CSE1L: variants seen among roughly 807,000 people sequenced by gnomAD.
The protein encoded by CSE1L is exportin-2.
CSE1L carries 24 observed loss-of-function variants against 120.4 expected under a neutral mutation model. That is an observed-to-expected ratio of 0.20 (90% CI 0.14 to 0.28). The LOEUF (loss-of-function observed/expected upper bound fraction) is 0.28. Among genes scored for constraint, CSE1L ranks in the 10% least tolerant of loss-of-function variants. The pLI, the probability that CSE1L is intolerant of heterozygous loss-of-function variation, is 1.00. For missense variants in CSE1L, 830 were observed against 1,145.2 expected (o/e 0.72, Z 3.97); for synonymous variants, 402 against 398.3 (o/e 1.01, Z -0.11).
At chr20:49,071,435 T>C (rs1195280897) in intron 8 of CSE1L, among the ~76,000 whole-genome samples, 1 of 152,220 alleles carries the variant, frequency 6.6e-6, no homozygotes, top group East Asian at 1.9e-4. Flanking sequence ...TGCTACTATT[T>C]ATGCCTTAAG....
chr20:49,074,712 C>A, intron 10 of CSE1L, 73 bp from the exon 11 acceptor site: 1 of 1,278,214 alleles, frequency 7.8e-7, no homozygotes, highest in Non-Finnish European at 1.1e-6. Flanking sequence ...TTTACATACT[C>A]TTCTGCATTC....
chr20:49,064,096 G>T (rs1471233818), intron 3 of CSE1L, among the ~76,000 whole-genome samples: 1 of 152,174 alleles, frequency 6.6e-6, no homozygotes, highest in Non-Finnish European at 1.5e-5. Context: ...CTGGAATCTA[G>T]TGGGTAGAGG....
intron 23 of CSE1L, 59 bp downstream of exon 23, chr20:49,094,345 A>C: frequency 6.6e-7 from 1 of 1,506,454 alleles, no homozygotes; most frequent in Non-Finnish European, 9.1e-7. Context: ...ATGACTGCAA[A>C]ATTAACAAAG....
Position 49,056,733 on chromosome 20 carries a change from T to C in CSE1L, c.-11-1720T>C, listed in dbSNP as rs182443488. Among the ~76,000 whole-genome samples, 1,064 of 152,196 alleles carry C rather than the reference T, an allele frequency of 7.0e-3. 15 individuals carry two copies. Among genetic ancestry groups the C allele is most frequent in the African/African-American group, 0.023 (975 of 41,504 alleles). On this transcript the variant is annotated intron_variant, in intron 1 of 24. Transcript: ENST00000262982. Reference sequence around the variant, plus strand: ...TTTTAATTGAGTGGGTTCAGACTCCTTTTTTTCCCATTTTTAATGGACAAA... The same window carrying C: ...TTTTAATTGAGTGGGTTCAGACTCCCTTTTTTCCCATTTTTAATGGACAAA...
chr20:49,054,327 C>T (rs1339903680), intron 1 of CSE1L, among the ~76,000 whole-genome samples: 3 of 152,178 alleles, frequency 2.0e-5, no homozygotes, highest in Admixed American at 6.5e-5. Flanking sequence ...CCTGCATAAG[C>T]ACAGCATTAG....
chr20:49,054,196 CTCAG>C (rs1364410870), intron 1 of CSE1L, among the ~76,000 whole-genome samples: 2 of 152,206 alleles, frequency 1.3e-5, no homozygotes, highest in Non-Finnish European at 1.5e-5. Context: ...GTGGGATCTA[CTCAG>C]TCAGAACATT....
intron 14 of CSE1L, among the ~76,000 whole-genome samples, chr20:49,081,355 C>T (rs1484012004): frequency 2.0e-5 from 3 of 152,194 alleles, no homozygotes; most frequent in Non-Finnish European, 4.4e-5. Flanking sequence ...ATGACCACAG[C>T]TCACTGCAGC....
rs747791312 is a variant in CSE1L, at chr20:49,092,062, T to C, written c.2382T>C (p.Ile794=). ...TKFIKSFLVF[I]NLYCIKYGAL... The stretch of plus-strand genomic sequence containing the variant: ...TTTCAACAGGTTTTTTAGTCTTTAT[T>C]AATTTGTATTGCATAAAATATGGGG... Residue 794 remains isoleucine, a synonymous_variant, in exon 22 of 25, where the codon ATT becomes ATC. Transcript: ENST00000262982. The C allele has an allele frequency of 1.3e-6, 2 of 1,566,924 alleles. No homozygotes were observed. The highest frequency in any genetic ancestry group is 1.8e-6 in the Non-Finnish European group (2 of 1,142,248).
chr20:49,096,277 C>A, intron 24 of CSE1L, 72 bp from the exon 25 acceptor site: 2 of 1,201,434 alleles, frequency 1.7e-6, no homozygotes, highest in Non-Finnish European at 2.5e-6. Context: ...GGCAGCTCTC[C>A]CGTAGAAGAT....
rs775017497 is a variant in CSE1L at position 49,090,957 on chromosome 20, G to C, written c.2300G>C (p.Arg767Thr). ...HMPPESVDQY[R>T]KQIFILLFQR... ...TTTAGTGAATCAGTTGACCAATATA[G>C]GAAACAAATCTTCATTCTGCTATTC... Residue 767 changes from arginine to threonine, a missense_variant, in exon 21 of 25, where the codon AGG (arginine) becomes ACG (threonine). By Grantham distance (71) the Arg-to-Thr change is moderately conservative. Coordinates refer to ENST00000262982, the MANE Select transcript of CSE1L (RefSeq NM_001316.4). 1 of 1,610,838 alleles carries C rather than the reference G, an allele frequency of 6.2e-7. No homozygotes were observed. The highest frequency in any genetic ancestry group is 8.5e-7 in the Non-Finnish European group (1 of 1,177,864).
intron 2 of CSE1L, 88 bp from the exon 3 acceptor site, chr20:49,063,114 T>A (rs2091864353): frequency 1.0e-5 from 7 of 679,256 alleles, no homozygotes; most frequent in Non-Finnish European, 1.4e-5. Context: ...TTTCTCTTTT[T>A]TTGATTTTTT....
chr20:49,065,313 A>AATGT (rs775165525), intron 3 of CSE1L, among the ~76,000 whole-genome samples: 1 of 52,080 alleles, frequency 1.9e-5, no homozygotes, highest in Non-Finnish European at 3.7e-5. Context: ...TGAAAAAAAA[A>AATGT]TTTTTTTTTT....
In CSE1L at chr20:49,094,406, C is replaced by T. The variant is rs757674926; in HGVS notation, c.2594+120C>T. On this transcript the variant is annotated intron_variant, in intron 23 of 24. Coordinates refer to ENST00000262982, the MANE Select transcript of CSE1L (RefSeq NM_001316.4). ...TCTTGGTCTGATCTCAGCTTCTCCA[C>T]AATCAGATCCAAGACATGATTTCTG... 196 of 933,976 alleles carry T rather than the reference C, an allele frequency of 2.1e-4. 1 individual carries two copies. The highest frequency in any genetic ancestry group is 2.8e-4 in the Non-Finnish European group (166 of 599,774). The allele number at this position is 933,976 out of a possible 1,614,324, so 57.9% of individuals were successfully genotyped here. A position where few individuals can be genotyped will look rare whatever the true frequency, so the allele number is the denominator to read the frequency against.
At chr20:49,089,484 T>A in intron 18 of CSE1L, 54 bp from the exon 19 acceptor site, 1 of 1,606,266 alleles carries the variant, frequency 6.2e-7, no homozygotes, top group African/African-American at 1.3e-5. Flanking sequence ...GTGGGCCTTT[T>A]GTGTCAGTCA....
chr20:49,075,087 T>C (rs186638611), intron 11 of CSE1L, among the ~76,000 whole-genome samples: 2 of 152,350 alleles, frequency 1.3e-5, no homozygotes, highest in African/African-American at 4.8e-5. Flanking sequence ...AATTCTGTGA[T>C]TCTGTGACCT....
chr20:49,074,176 A>AGTAT (rs550372543), intron 10 of CSE1L, among the ~76,000 whole-genome samples: 13 of 115,424 alleles, frequency 1.1e-4, no homozygotes, highest in Non-Finnish European at 2.1e-4. Flanking sequence ...ATACAACTGC[A>AGTAT]GTGTGTGTGT....
At chr20:49,056,819 C>G (rs2091811381) in intron 1 of CSE1L, among the ~76,000 whole-genome samples, 1 of 150,944 alleles carries the variant, frequency 6.6e-6, no homozygotes, top group Admixed American at 6.6e-5. Context: ...ATGGCTAAAT[C>G]AAGCTAATTA....
At chr20:49,061,483 ATTATTAT>A (rs1392315704) in intron 2 of CSE1L, among the ~76,000 whole-genome samples, 20 of 117,676 alleles carry the variant, frequency 1.7e-4, no homozygotes, top group East Asian at 8.5e-4. Flanking sequence ...AAAAATTATT[ATTATTAT>A]TTATTTATTT....
intron 1 of CSE1L, among the ~76,000 whole-genome samples, chr20:49,049,715 A>G (rs2091751177): frequency 6.6e-6 from 1 of 152,246 alleles, no homozygotes; most frequent in South Asian, 2.1e-4. Context: ...TATAGACTAT[A>G]TCTGCAAGGC....
Sources: gnomAD v4.1 joint callset for allele counts (sites outside exome capture counted in the v4.1 genomes callset) on GRCh38, gnomAD v4.1.1 for gene constraint, MANE v1.5 for transcripts, NCBI Gene and HGNC (gene_info 2026-07-23, HGNC 2026-07-21) for gene names.